The following ATXN1 variants were observed in gnomAD, a reference collection of about 807,000 sequenced individuals.
The protein encoded by ATXN1 is ataxin-1.
In ATXN1, 8 loss-of-function variants were observed where a neutral mutation model predicts 56.4. The ratio of observed to expected loss-of-function variants is 0.14; its 90% CI spans 0.08 to 0.26. ATXN1 has a LOEUF of 0.26. Among genes scored for constraint, ATXN1 ranks in the 10% least tolerant of loss-of-function variants. The probability of loss-of-function intolerance (pLI) is 1.00; values close to 1 mark genes in which losing one functional copy is unlikely to be tolerated. For missense variants in ATXN1, 987 were observed against 1,106.5 expected (o/e 0.89, Z 1.53); for synonymous variants, 514 against 494.6 (o/e 1.04, Z -0.52).
chr6:16,484,261 T>G (rs552479988), intron 6 of ATXN1, among the ~76,000 whole-genome samples: 105 of 152,100 alleles, frequency 6.9e-4, no homozygotes, highest in African/African-American at 2.4e-3. Context: ...GGTGAAACTC[T>G]GTCTCTACCA....
At chr6:16,521,842 T>C (rs572242342) in intron 5 of ATXN1, among the ~76,000 whole-genome samples, 1 of 152,338 alleles carries the variant, frequency 6.6e-6, no homozygotes, top group African/African-American at 2.4e-5. Flanking sequence ...CTTTCTCAGA[T>C]GACATCCATA....
chr6:16,424,896 G>A (rs1001877704), intron 6 of ATXN1, among the ~76,000 whole-genome samples: 2 of 152,172 alleles, frequency 1.3e-5, no homozygotes, highest in African/African-American at 2.4e-5. Context: ...TTGGTGTTGC[G>A]TCTCCTCTGA....
At chr6:16,650,762 G>T (rs765844899) in intron 3 of ATXN1, among the ~76,000 whole-genome samples, 2 of 152,110 alleles carry the variant, frequency 1.3e-5, no homozygotes, top group Non-Finnish European at 2.9e-5. Context: ...CAAATAAGGC[G>T]AACGCTGAGC....
In ATXN1 at chr6:16,348,426, G is replaced by A. The variant is rs547851044; in HGVS notation, c.-160-19956C>T. Among the ~76,000 whole-genome samples the A allele has an allele frequency of 7.9e-5, 12 of 152,182 alleles. No homozygotes were observed. The South Asian group carries it at 2.1e-3, about 26-fold the overall frequency. ...AAATGAAGATAGTATGGCGAGGCAC[G>A]GTGGCTCACACATATAATCCCAGCA... On this transcript the variant is annotated intron_variant, in intron 6 of 7. Coordinates refer to ENST00000436367, the MANE Select transcript of ATXN1 (RefSeq NM_001128164.2).
rs535772143 is a variant in ATXN1 at position 16,692,655 on chromosome 6, A to C, written c.-614-34754T>G. Among the ~76,000 whole-genome samples the C allele has an allele frequency of 1.7e-4, 23 of 138,814 alleles. No individual in the cohort carries two copies. The South Asian group carries it at 1.8e-3, about 11-fold the overall frequency. 91.1% of individuals were successfully genotyped at this position (138,814 alleles called of 152,430 possible). Reference sequence around the variant, plus strand: ...AAGAAGACCACTACCGCCACCACCAACAACAAAAACAATAGCAACCACTTT... The same window carrying C: ...AAGAAGACCACTACCGCCACCACCACCAACAAAAACAATAGCAACCACTTT... On this transcript the variant is annotated intron_variant, in intron 2 of 7. Transcript: ENST00000436367.
chr6:16,722,922 ACACT>A (rs1048673028), intron 2 of ATXN1, among the ~76,000 whole-genome samples: 3 of 152,218 alleles, frequency 2.0e-5, no homozygotes. Context: ...AAACACACAC[ACACT>A]CTCTCTCACA....
intron 6 of ATXN1, chr6:16,433,036 C>T (rs1035605577): frequency 2.0e-5 from 3 of 151,988 alleles, no homozygotes; most frequent in Admixed American, 1.3e-4. Context: ...CTCGATCTAC[C>T]GCAACAATAC....
intron 3 of ATXN1, among the ~76,000 whole-genome samples, chr6:16,631,015 G>A (rs1036241937): frequency 6.6e-6 from 1 of 152,132 alleles, no homozygotes; most frequent in Non-Finnish European, 1.5e-5. Context: ...TTATAATCAT[G>A]ATAAGAAGGA....
At chr6:16,640,985 A>G (rs1212472478) in intron 3 of ATXN1, among the ~76,000 whole-genome samples, 1 of 152,232 alleles carries the variant, frequency 6.6e-6, no homozygotes, top group Non-Finnish European at 1.5e-5. Flanking sequence ...TGTTGCTGAT[A>G]TGGACAAAGT....
intron 5 of ATXN1, among the ~76,000 whole-genome samples, chr6:16,493,363 A>G (rs1760707322): frequency 6.6e-6 from 1 of 151,926 alleles, no homozygotes; most frequent in African/African-American, 2.4e-5. Context: ...TCAAAATGTA[A>G]GCCAGACCTC....
At chr6:16,505,816 C>T (rs182002073) in intron 5 of ATXN1, among the ~76,000 whole-genome samples, 205 of 152,272 alleles carry the variant, frequency 1.3e-3, no homozygotes, top group Non-Finnish European at 1.9e-3. Context: ...TACTATGCGT[C>T]TATCTTTTAA....
At chr6:16,729,472 C>G (rs1015573649) in intron 2 of ATXN1, among the ~76,000 whole-genome samples, 1 of 152,192 alleles carries the variant, frequency 6.6e-6, no homozygotes, top group East Asian at 1.9e-4. Flanking sequence ...ACTCCGGAGT[C>G]AAGCTCTGAA....
chr6:16,335,514 T>G (rs751866490), intron 6 of ATXN1, among the ~76,000 whole-genome samples: 1 of 152,156 alleles, frequency 6.6e-6, no homozygotes, highest in Admixed American at 6.5e-5. Context: ...TAATCCAAGC[T>G]AGAAGGAGTC....
intron 6 of ATXN1, among the ~76,000 whole-genome samples, chr6:16,360,649 A>G (rs767316685): frequency 2.6e-5 from 4 of 152,216 alleles, no homozygotes; most frequent in Non-Finnish European, 5.9e-5. Flanking sequence ...TTTTAAGTCC[A>G]GGGCTCATTC....
chr6:16,631,016 A>G (rs899055620), intron 3 of ATXN1, among the ~76,000 whole-genome samples: 3 of 152,208 alleles, frequency 2.0e-5, no homozygotes, highest in East Asian at 3.9e-4. Flanking sequence ...TATAATCATG[A>G]TAAGAAGGAT....
At chr6:16,671,239 C>T (rs1213045409) in intron 2 of ATXN1, among the ~76,000 whole-genome samples, 1 of 151,466 alleles carries the variant, frequency 6.6e-6, no homozygotes, top group East Asian at 1.9e-4. Flanking sequence ...TGCTATGGAT[C>T]ATGCCTTTAC....
chr6:16,676,626 G>A lies in ATXN1; in HGVS notation c.-614-18725C>T, dbSNP rs1315515386. On this transcript the variant is annotated intron_variant, in intron 2 of 7. Transcript: ENST00000436367. ...AGAGTATGCCACGATTATGAAAGAG[G>A]AAAGCAGTCTGAGTGGTGGAATGGA... Among the ~76,000 whole-genome samples, 3 of 152,166 alleles carry A rather than the reference G, an allele frequency of 2.0e-5. No individual in the cohort carries two copies. In the East Asian group the frequency reaches 5.8e-4, roughly 29 times the overall value.
chr6:16,546,193 A>G (rs1294847056), intron 4 of ATXN1, among the ~76,000 whole-genome samples: 1 of 152,258 alleles, frequency 6.6e-6, no homozygotes, highest in African/African-American at 2.4e-5. Context: ...AAGACTCACA[A>G]TAGAACACCA....
chr6:16,412,411 G>T (rs969860202), intron 6 of ATXN1, among the ~76,000 whole-genome samples: 1 of 152,148 alleles, frequency 6.6e-6, no homozygotes, highest in African/African-American at 2.4e-5. Context: ...GCCCATTAAA[G>T]CATGTAACCA....
Sources: allele counts gnomAD v4.1 joint callset (sites outside exome capture counted in the v4.1 genomes callset), GRCh38; gene constraint gnomAD v4.1.1; transcripts MANE v1.5; gene names NCBI Gene and HGNC (gene_info 2026-07-23, HGNC 2026-07-21).